Variants in CACNG3 observed in about 807,000 individuals in gnomAD.
CACNG3 encodes the protein calcium voltage-gated channel auxiliary subunit gamma 3, also known as voltage-dependent calcium channel gamma-3 subunit.
CACNG3 carries 3 observed loss-of-function variants against 28.5 expected under a neutral mutation model. That is an observed-to-expected ratio of 0.11 (90% CI 0.05 to 0.27). The LOEUF is 0.27. Among genes scored for constraint, CACNG3 ranks in the 10% least tolerant of loss-of-function variants. The pLI is 1.00. For missense variants in CACNG3, 236 were observed against 414.4 expected (o/e 0.57, Z 3.74); for synonymous variants, 174 against 162.2 (o/e 1.07, Z -0.55).
At chr16:24,346,620 C>A in intron 1 of CACNG3, 114 bp from the exon 2 acceptor site, 2 of 706,248 alleles carry the variant, frequency 2.8e-6, no homozygotes, top group Non-Finnish European at 5.0e-6. Context: ...AGCCCAACAA[C>A]CCTACAGCCC....
chr16:24,260,461 G>A (rs764409807), intron 1 of CACNG3, among the ~76,000 whole-genome samples: 1 of 152,186 alleles, frequency 6.6e-6, no homozygotes, highest in Non-Finnish European at 1.5e-5. Context: ...TTACAGATGA[G>A]GAAACTGAGC....
intron 1 of CACNG3, among the ~76,000 whole-genome samples, chr16:24,289,197 G>C (rs924531721): frequency 2.6e-5 from 4 of 151,820 alleles, no homozygotes; most frequent in Non-Finnish European, 4.4e-5. Flanking sequence ...TCTCCTTCCC[G>C]ATGAATTCGC....
rs147734423 is a variant in CACNG3, at chr16:24,354,936, C to A, written c.399C>A (p.Asn133Lys). 2 of 1,612,616 alleles carry A rather than the reference C, an allele frequency of 1.2e-6. No homozygotes were observed. Among genetic ancestry groups the A allele is most frequent in the African/African-American group, 2.7e-5 (2 of 74,882 alleles). The change falls in exon 3 of 4, where the codon AAC (asparagine) becomes AAA (lysine). Residue 133 changes from asparagine to lysine, a missense_variant. Asn to Lys is a moderately conservative substitution (Grantham distance 94). This residue lies in a region of CACNG3 where 120 missense variants were observed against 263.4 expected (regional missense o/e 0.46). Transcript: ENST00000005284. ...AASEFHRSRHNVILSAGIFFV... is the reference protein window; with the variant it reads ...AASEFHRSRHKVILSAGIFFV... ...GTGAGTTCCACCGCAGCAGACACAA[C>A]GTCATTCTCAGCGCGGGCATCTTTT...
intron 1 of CACNG3, among the ~76,000 whole-genome samples, chr16:24,315,353 A>G (rs1194448775): frequency 1.3e-5 from 2 of 151,978 alleles, no homozygotes; most frequent in African/African-American, 2.4e-5. Context: ...CCAAGCTGCC[A>G]GAACACACCT....
At chr16:24,342,972 C>T (rs2141378441) in intron 1 of CACNG3, among the ~76,000 whole-genome samples, 1 of 152,044 alleles carries the variant, frequency 6.6e-6, no homozygotes, top group Middle Eastern at 3.4e-3. Flanking sequence ...GGTGGATCAG[C>T]TGAGGCCAGG....
rs181988731 is a variant in CACNG3 at position 24,282,524 on chromosome 16, C to A, written c.211+25559C>A. Among the ~76,000 whole-genome samples the A allele has an allele frequency of 2.1e-3, 324 of 152,182 alleles. 3 individuals are homozygous for A. Among genetic ancestry groups the A allele is most frequent in the Admixed American group, 9.1e-3 (139 of 15,282 alleles). ...TCTGTTGACCTCGTGATCCGCCCACCTCAACCTCCCAAAGTGCTGGAATTA... is the reference window on the plus strand; with the variant it reads ...TCTGTTGACCTCGTGATCCGCCCACATCAACCTCCCAAAGTGCTGGAATTA... On this transcript the variant is annotated intron_variant, in intron 1 of 3. Transcript: ENST00000005284.
intron 1 of CACNG3, among the ~76,000 whole-genome samples, chr16:24,303,819 G>A (rs1899147199): frequency 2.0e-5 from 3 of 152,174 alleles, no homozygotes; most frequent in Admixed American, 2.0e-4. Context: ...TCAGGAGGCT[G>A]AGGTGGGAGG....
chr16:24,277,735 G>T (rs1220688001), intron 1 of CACNG3, among the ~76,000 whole-genome samples: 1 of 145,026 alleles, frequency 6.9e-6, no homozygotes, highest in Non-Finnish European at 1.5e-5. Flanking sequence ...AGCAGAGATT[G>T]CACCACTGCA....
At chr16:24,282,299 C>T (rs1898839845) in intron 1 of CACNG3, among the ~76,000 whole-genome samples, 1 of 152,136 alleles carries the variant, frequency 6.6e-6, no homozygotes, top group South Asian at 2.1e-4. Context: ...AGCTTGAGCG[C>T]TTAGGAAACG....
chr16:24,286,143 T>C (rs1320158708), intron 1 of CACNG3, among the ~76,000 whole-genome samples: 3 of 152,188 alleles, frequency 2.0e-5, no homozygotes, highest in African/African-American at 7.2e-5. Context: ...TCACTTCAGT[T>C]TATTCAACAT....
intron 1 of CACNG3, among the ~76,000 whole-genome samples, chr16:24,301,837 T>C (rs1182576395): frequency 1.3e-5 from 2 of 152,164 alleles, no homozygotes; most frequent in African/African-American, 4.8e-5. Flanking sequence ...TAAAGATCAT[T>C]TTCTTACAGT....
At position 24,257,102 on chromosome 16, in the gene CACNG3, C is replaced by A. The variant is rs901118624; in HGVS notation, c.211+137C>A. On this transcript the variant is annotated intron_variant, in intron 1 of 3. Transcript: ENST00000005284. The stretch of plus-strand genomic sequence containing the variant: ...CTGAGAATGTGCAGGTGCCCAGACT[C>A]TGTTAACAGCAAGACTGACGCCATG... 12 of 645,718 alleles carry A rather than the reference C, an allele frequency of 1.9e-5. No homozygotes were observed. In the African/African-American group the frequency reaches 2.0e-4, roughly 11 times the overall value. The allele number at this position is 645,718 out of a possible 1,614,324, so 40.0% of individuals were successfully genotyped here.
At chr16:24,305,791 A>G (rs1431164564) in intron 1 of CACNG3, among the ~76,000 whole-genome samples, 1 of 152,202 alleles carries the variant, frequency 6.6e-6, no homozygotes, top group East Asian at 1.9e-4. Flanking sequence ...CTGCACATGT[A>G]TCCCAGAACT....
At chr16:24,281,138 C>T (rs1282327824) in intron 1 of CACNG3, among the ~76,000 whole-genome samples, 1 of 152,142 alleles carries the variant, frequency 6.6e-6, no homozygotes, top group Non-Finnish European at 1.5e-5. Context: ...GGATGGGATA[C>T]TCAGGGATTC....
chr16:24,259,268 C>G (rs1279232552), intron 1 of CACNG3, among the ~76,000 whole-genome samples: 2 of 152,220 alleles, frequency 1.3e-5, no homozygotes, highest in African/African-American at 2.4e-5. Context: ...ATGTAATTAA[C>G]ACCTAGGTGG....
chr16:24,262,686 C>A (rs532496033), intron 1 of CACNG3, among the ~76,000 whole-genome samples: 11 of 152,188 alleles, frequency 7.2e-5, no homozygotes, highest in Non-Finnish European at 1.3e-4. Context: ...TATTTTAAAT[C>A]TCATTCCCAG....
At chr16:24,291,477 G>A (rs1898967687) in intron 1 of CACNG3, among the ~76,000 whole-genome samples, 2 of 152,216 alleles carry the variant, frequency 1.3e-5, no homozygotes, top group Non-Finnish European at 2.9e-5. Context: ...AATCAAGTGA[G>A]GGGTGGAAAC....
chr16:24,277,550 G>A (rs763366245), intron 1 of CACNG3, among the ~76,000 whole-genome samples: 20 of 152,118 alleles, frequency 1.3e-4, no homozygotes, highest in Non-Finnish European at 1.9e-4. Flanking sequence ...CGAGGTGCGC[G>A]GATCACTTGA....
intron 1 of CACNG3, among the ~76,000 whole-genome samples, chr16:24,301,043 CAA>C (rs71381659): frequency 2.5e-4 from 26 of 104,652 alleles, no homozygotes; most frequent in Admixed American, 1.0e-3. Context: ...GGCTCCATCT[CAA>C]AAAAAAAAAA....
Sources: gnomAD v4.1 joint callset for allele counts (sites outside exome capture counted in the v4.1 genomes callset) on GRCh38, gnomAD v4.1.1 for gene constraint, gnomAD v4.1.1 regional missense constraint, MANE v1.5 for transcripts, NCBI Gene and HGNC (gene_info 2026-07-23, HGNC 2026-07-21) for gene names.